Variants in RAB11FIP4 observed in about 807,000 individuals in gnomAD.
RAB11FIP4 encodes the protein rab11 family-interacting protein 4.
RAB11FIP4 carries 23 observed loss-of-function variants against 74.3 expected under a neutral mutation model. The ratio of observed to expected loss-of-function variants is 0.31; its 90% CI spans 0.22 to 0.44. RAB11FIP4 has a LOEUF of 0.44. RAB11FIP4 is among the 20% of genes least tolerant of loss of function. RAB11FIP4 has a pLI of 1.00. For synonymous variants in RAB11FIP4, 360 were observed against 359.9 expected, an observed-to-expected ratio of 1.00 and a Z score of 0.00; for missense variants, 630 against 863.9, an observed-to-expected ratio of 0.73 and a Z score of 3.39.
intron 3 of RAB11FIP4, among the ~76,000 whole-genome samples, chr17:31,444,720 A>ACATCC (rs1481986220): frequency 6.6e-6 from 1 of 152,208 alleles, no homozygotes; most frequent in African/African-American, 2.4e-5. Context: ...GAGGCTCCTT[A>ACATCC]CATCCCGTCT....
chr17:31,404,573 A>T (rs1314066378), intron 1 of RAB11FIP4, among the ~76,000 whole-genome samples: 2 of 152,242 alleles, frequency 1.3e-5, no homozygotes, highest in Non-Finnish European at 2.9e-5. Context: ...ATAGTGTCAC[A>T]TATGTTTGTT....
chr17:31,402,377 G>C (rs1195954718), intron 1 of RAB11FIP4, among the ~76,000 whole-genome samples: 6 of 152,304 alleles, frequency 3.9e-5, no homozygotes. Context: ...ACTCAGGCTG[G>C]AACAGGGACC....
At chr17:31,435,391 A>G (rs2071348149) in intron 3 of RAB11FIP4, among the ~76,000 whole-genome samples, 2 of 152,124 alleles carry the variant, frequency 1.3e-5, no homozygotes, top group Admixed American at 6.5e-5. Flanking sequence ...TCATTGCCTA[A>G]TGGTGTGTTT....
chr17:31,457,140 G>C (rs2071586687), intron 3 of RAB11FIP4, among the ~76,000 whole-genome samples: 1 of 152,166 alleles, frequency 6.6e-6, no homozygotes, highest in African/African-American at 2.4e-5. Context: ...GGGAAAGAGA[G>C]AAACTAGAGT....
At chr17:31,444,316 A>G (rs1181821062) in intron 3 of RAB11FIP4, among the ~76,000 whole-genome samples, 2 of 151,380 alleles carry the variant, frequency 1.3e-5, no homozygotes, top group Non-Finnish European at 2.9e-5. Flanking sequence ...TTCTACTTAT[A>G]TCTGGCCCCA....
At chr17:31,393,998 T>A (rs2070903507) in intron 1 of RAB11FIP4, among the ~76,000 whole-genome samples, 1 of 152,136 alleles carries the variant, frequency 6.6e-6, no homozygotes. Context: ...CTGCTTATAT[T>A]AAGTTTCTGG....
At chr17:31,505,424 AATAT>A (rs559113378) in intron 3 of RAB11FIP4, among the ~76,000 whole-genome samples, 2,605 of 91,464 alleles carry the variant, frequency 0.028, 139 homozygotes, top group African/African-American at 0.11. Flanking sequence ...ATTATATATT[AATAT>A]ATAATTATTA....
At position 31,405,130 on chromosome 17, in the gene RAB11FIP4, G is replaced by A. The variant is rs78566962; in HGVS notation, c.159+13119G>A. Among the ~76,000 whole-genome samples the A allele has an allele frequency of 2.3e-3, 355 of 152,240 alleles. 1 individual carries two copies. The highest frequency in any genetic ancestry group is 4.6e-3 in the South Asian group (22 of 4,820). Reference sequence around the variant, plus strand: ...CGTGGGTTGGGGAGAAGGGGCTGAGGTGGGAGGCTTCTGTCCCAGTTCAGG... The same window carrying A: ...CGTGGGTTGGGGAGAAGGGGCTGAGATGGGAGGCTTCTGTCCCAGTTCAGG... On this transcript the variant is annotated intron_variant, in intron 1 of 14. Transcript: ENST00000621161.
intron 1 of RAB11FIP4, among the ~76,000 whole-genome samples, chr17:31,411,562 G>A (rs962511485): frequency 6.6e-6 from 1 of 152,158 alleles, no homozygotes; most frequent in Non-Finnish European, 1.5e-5. Flanking sequence ...AGTCCTTTCT[G>A]ATACCCAGGA....
intron 14 of RAB11FIP4, chr17:31,531,146 GGCCCCAACCCC>G: frequency 6.2e-6 from 1 of 161,878 alleles, no homozygotes; most frequent in Non-Finnish European, 1.4e-5. Flanking sequence ...AGGTGAGCTG[GGCCCCAACCCC>G]TGGGCAGAGG....
chr17:31,416,785 A>T (rs1342331831), intron 1 of RAB11FIP4, among the ~76,000 whole-genome samples: 1 of 152,158 alleles, frequency 6.6e-6, no homozygotes, highest in East Asian at 1.9e-4. Context: ...CACTGCTGTA[A>T]GAGGGGAATG....
intron 1 of RAB11FIP4, among the ~76,000 whole-genome samples, chr17:31,428,616 T>C (rs1413907263): frequency 1.3e-5 from 2 of 152,118 alleles, no homozygotes; most frequent in African/African-American, 2.4e-5. Context: ...TATGTGTGGC[T>C]AGCCAGCAGA....
chr17:31,431,834 T>G lies in RAB11FIP4; in HGVS notation c.181T>G (p.Leu61Val). 1 of 1,613,452 alleles carries G rather than the reference T, an allele frequency of 6.2e-7. No homozygotes were observed. The highest frequency in any genetic ancestry group is 2.2e-5 in the East Asian group (1 of 44,852). The change falls in exon 2 of 15, where the codon TTG (leucine) becomes GTG (valine). Residue 61 changes from leucine (L) to valine (V), a missense_variant. Transcript: ENST00000621161. Reference protein sequence around the residue: ...GEEVEKLVKYLDPNDLGRINF... With the variant: ...GEEVEKLVKYVDPNDLGRINF... ...ACAGGTGGAAAAACTTGTGAAATAT[T>G]TGGATCCCAACGACCTGGGGAGAAT...
Position 31,520,265 on chromosome 17 carries a change from A to G in RAB11FIP4, c.564-901A>G, listed in dbSNP as rs57874856. 3.0e-3 allele frequency among the ~76,000 whole-genome samples: 458 copies of G among 152,268 alleles called. 3 individuals are homozygous for G. The highest frequency in any genetic ancestry group is 0.011 in the African/African-American group (439 of 41,556). ...TATGCCATTTCATATCTGGGACTTG[A>G]GCATCCTCAGATTTTGGTGTCCACA... On this transcript the variant is annotated intron_variant, in intron 4 of 14. Transcript: ENST00000621161.
rs922629031 is a variant in RAB11FIP4, at chr17:31,522,661, C to G, written c.929+266C>G. ...TTCAGGCAGGCATGCCAGGGATGCC[C>G]TGAGAGAGACAGAGCACCCCACAGC... On this transcript the variant is annotated intron_variant, in intron 7 of 14. Coordinates refer to ENST00000621161, the MANE Select transcript of RAB11FIP4 (RefSeq NM_032932.6). 6 of 537,430 alleles carry G rather than the reference C, an allele frequency of 1.1e-5. No individual in the cohort carries two copies. In the Admixed American group the frequency reaches 2.2e-4, roughly 19 times the overall value. The allele number at this position is 537,430 out of a possible 1,614,324, so 33.3% of individuals were successfully genotyped here. A position where few individuals can be genotyped will look rare whatever the true frequency, so the allele number is the denominator to read the frequency against.
chr17:31,480,891 TTA>T (rs2071841791), intron 3 of RAB11FIP4, among the ~76,000 whole-genome samples: 1 of 151,954 alleles, frequency 6.6e-6, no homozygotes, highest in African/African-American at 2.4e-5. Flanking sequence ...AGAGCACATA[TTA>T]TATATGTCAC....
chr17:31,438,330 G>T (rs1031837802), intron 3 of RAB11FIP4, among the ~76,000 whole-genome samples: 1 of 152,034 alleles, frequency 6.6e-6, no homozygotes, highest in Non-Finnish European at 1.5e-5. Context: ...GTGCTGTAAG[G>T]CCCTGGGCCC....
intron 1 of RAB11FIP4, among the ~76,000 whole-genome samples, chr17:31,418,259 G>A (rs894353773): frequency 7.9e-5 from 12 of 152,002 alleles, no homozygotes; most frequent in African/African-American, 2.9e-4. Flanking sequence ...GTGGTGGCAG[G>A]CACCTGTAAT....
At chr17:31,437,116 G>A (rs1464545152) in intron 3 of RAB11FIP4, among the ~76,000 whole-genome samples, 2 of 152,120 alleles carry the variant, frequency 1.3e-5, no homozygotes, top group East Asian at 3.9e-4. Flanking sequence ...TCTGGCCCCG[G>A]CTTGGTTGGC....
Sources: allele counts gnomAD v4.1 joint callset (sites outside exome capture counted in the v4.1 genomes callset), GRCh38; gene constraint gnomAD v4.1.1; transcripts MANE v1.5; gene names NCBI Gene and HGNC (gene_info 2026-07-23, HGNC 2026-07-21).